The following PTGR3 variants were observed in gnomAD, a reference collection of about 807,000 sequenced individuals.
PTGR3 encodes the protein zinc binding alcohol dehydrogenase domain containing 2.
the PTGR3 span, chr18:75,202,322 T>TG: frequency 6.2e-7 from 1 of 1,610,252 alleles, no homozygotes; most frequent in Non-Finnish European, 8.5e-7. Flanking sequence ...TGATGTCAGA[T>TG]GCGTTAACAC....
At chr18:75,202,186 C>T in the PTGR3 span, 1 of 1,614,024 alleles carries the variant, frequency 6.2e-7, no homozygotes, top group Admixed American at 1.7e-5. Context: ...GCCATGTAAG[C>T]CACAGCTTGG....
At chr18:75,202,964 C>A in the PTGR3 span, among the ~76,000 whole-genome samples, 363 of 152,250 alleles carry the variant, frequency 2.4e-3, no homozygotes, top group Non-Finnish European at 4.3e-3. Flanking sequence ...GAGTGGCTGT[C>A]GCAAATTTTC....
chr18:75,203,687 G>A, the PTGR3 span, among the ~76,000 whole-genome samples: 1 of 152,152 alleles, frequency 6.6e-6, no homozygotes, highest in Admixed American at 6.5e-5. Flanking sequence ...ATCATGAGAA[G>A]GGGGAAGATG....
chr18:75,207,409 G>A, the PTGR3 span, among the ~76,000 whole-genome samples: 365 of 152,302 alleles, frequency 2.4e-3, no homozygotes, highest in Non-Finnish European at 4.4e-3. Flanking sequence ...TCAACTTCTA[G>A]CAAATCACTC....
chr18:75,201,844 C>T, the PTGR3 span: 3 of 1,614,198 alleles, frequency 1.9e-6, no homozygotes, highest in Non-Finnish European at 2.5e-6. Flanking sequence ...TCAGGGTACT[C>T]CTGCTTAAGG....
At chr18:75,204,589 A>T in the PTGR3 span, among the ~76,000 whole-genome samples, 1 of 152,224 alleles carries the variant, frequency 6.6e-6, no homozygotes, top group South Asian at 2.1e-4. Context: ...CTCCCTCAGA[A>T]GTGCCCGCTG....
chr18:75,207,612 C>T, the PTGR3 span, among the ~76,000 whole-genome samples: 1 of 151,792 alleles, frequency 6.6e-6, no homozygotes, highest in African/African-American at 2.4e-5. Context: ...GACCAGCCCC[C>T]CACCCCCGCC....
the PTGR3 span, chr18:75,201,798 G>GCTCC: frequency 6.2e-7 from 1 of 1,614,148 alleles, no homozygotes; most frequent in East Asian, 2.2e-5. Context: ...GTCAAACATG[G>GCTCC]CTCCCCCAAC....
chr18:75,203,427 T>C, the PTGR3 span, among the ~76,000 whole-genome samples: 1 of 152,208 alleles, frequency 6.6e-6, no homozygotes, highest in South Asian at 2.1e-4. Flanking sequence ...ACTTTTAATT[T>C]AACTTAATAA....
At chr18:75,203,615 G>A in the PTGR3 span, among the ~76,000 whole-genome samples, 10 of 152,100 alleles carry the variant, frequency 6.6e-5, no homozygotes, top group Non-Finnish European at 1.5e-4. Context: ...GCATTCAGAC[G>A]CCAGCACACC....
the PTGR3 span, among the ~76,000 whole-genome samples, chr18:75,203,826 G>A: frequency 6.6e-6 from 1 of 152,120 alleles, no homozygotes; most frequent in Non-Finnish European, 1.5e-5. Flanking sequence ...TAATTCTCAA[G>A]GCCTGGCGTT....
At chr18:75,209,113 C>A in the PTGR3 span, 7 of 1,375,648 alleles carry the variant, frequency 5.1e-6, no homozygotes, top group Admixed American at 3.8e-5. This position sits in a 1 kb window ranked among gnomAD's most constrained non-coding sequence, Gnocchi z 4.7. Context: ...CGGCCCCCGC[C>A]CGGGCCGCTC....
the PTGR3 span, chr18:75,201,374 G>A: frequency 2.0e-6 from 3 of 1,492,002 alleles, no homozygotes; most frequent in Admixed American, 3.8e-5. Context: ...GACATAAAGT[G>A]CCCATTTTCT....
the PTGR3 span, chr18:75,196,732 T>A: frequency 6.7e-6 from 1 of 150,058 alleles, no homozygotes; most frequent in Admixed American, 6.6e-5. Flanking sequence ...CTCCCCGGGA[T>A]ACTTACCCTT....
At chr18:75,207,284 A>G in the PTGR3 span, among the ~76,000 whole-genome samples, 11 of 152,244 alleles carry the variant, frequency 7.2e-5, no homozygotes, top group Non-Finnish European at 1.6e-4. Context: ...GTGTGTTTAT[A>G]CTAGTGTTTG....
At chr18:75,197,811 T>C in the PTGR3 span, 20 of 152,356 alleles carry the variant, frequency 1.3e-4, no homozygotes, top group Admixed American at 1.3e-4. Context: ...TATGAATTCA[T>C]CAAATCAGGC....
the PTGR3 span, among the ~76,000 whole-genome samples, chr18:75,207,561 A>G: frequency 6.6e-6 from 1 of 151,886 alleles, no homozygotes; most frequent in East Asian, 1.9e-4. Context: ...CAATGCAAAC[A>G]TTTTCAAGGA....
the PTGR3 span, chr18:75,205,573 T>C: frequency 1.2e-6 from 1 of 816,334 alleles, no homozygotes; most frequent in Non-Finnish European, 1.5e-6. Flanking sequence ...CCCCTCGTCA[T>C]GTTTACTGAG....
the PTGR3 span, chr18:75,198,487 ACTTC>A: frequency 2.0e-5 from 3 of 151,914 alleles, no homozygotes; most frequent in Non-Finnish European, 2.9e-5. Flanking sequence ...ATCATGCAAA[ACTTC>A]CTTCATTTCT....
Sources: gnomAD v4.1 joint callset for allele counts (sites outside exome capture counted in the v4.1 genomes callset) on GRCh38, gnomAD v4.1.1 for gene constraint, Gnocchi (gnomAD v3.1) non-coding constraint, MANE v1.5 for transcripts, NCBI Gene and HGNC (gene_info 2026-07-23, HGNC 2026-07-21) for gene names.